The following MALRD1 variants were observed in gnomAD, a reference collection of about 807,000 sequenced individuals.
MALRD1 encodes the protein MAM and LDL-receptor class A domain-containing protein 1.
In MALRD1, 247 loss-of-function variants were observed where a neutral mutation model predicts 242.1. That is an observed-to-expected ratio of 1.02 (90% CI 0.92 to 1.13). The LOEUF is 1.13. Ranked by LOEUF, MALRD1 falls within the 50% of genes most tolerant of loss-of-function variation. The pLI is 0.00. For synonymous variants in MALRD1, 995 were observed against 866.6 expected (o/e 1.15, Z -2.60); for missense variants, 2,989 against 2,533.1 (o/e 1.18, Z -3.86).
At chr10:19,306,636 T>C (rs1842221934) in intron 21 of MALRD1, among the ~76,000 whole-genome samples, 1 of 150,880 alleles carries the variant, frequency 6.6e-6, no homozygotes, top group Non-Finnish European at 1.5e-5. Flanking sequence ...TGAAGGTATA[T>C]TAGTCTGTTC....
At chr10:19,571,774 G>C (rs144440761) in intron 33 of MALRD1, among the ~76,000 whole-genome samples, 179 of 152,170 alleles carry the variant, frequency 1.2e-3, no homozygotes, top group African/African-American at 3.6e-3. Context: ...AAAACTACTA[G>C]CTTTGTTTGT....
intron 14 of MALRD1, among the ~76,000 whole-genome samples, chr10:19,190,779 A>T (rs969573754): frequency 6.6e-6 from 1 of 151,986 alleles, no homozygotes; most frequent in East Asian, 1.9e-4. Flanking sequence ...TTGGACCCTT[A>T]CCTAACTTCA....
chr10:19,471,906 A>G (rs10827485), intron 29 of MALRD1, among the ~76,000 whole-genome samples: 4 of 151,678 alleles, frequency 2.6e-5, no homozygotes, highest in Admixed American at 1.3e-4. Context: ...AATTTGGATG[A>G]CTTTTATTTC....
In MALRD1 at chr10:19,304,702, T is replaced by C. The variant is rs1329217120; in HGVS notation, c.3420-19247T>C. Among the ~76,000 whole-genome samples, 3 of 151,912 alleles carry C rather than the reference T, an allele frequency of 2.0e-5. No individual in the cohort carries two copies. In the East Asian group the frequency reaches 5.8e-4, roughly 30 times the overall value. On this transcript the variant is annotated intron_variant, in intron 21 of 39. Transcript: ENST00000454679. The stretch of plus-strand genomic sequence containing the variant: ...ATGTTTCATCATTATTATTGATTTG[T>C]ATTATGAAAAGTTTCCATTTCAAAA...
chr10:19,686,252 G>T (rs1842578072), intron 36 of MALRD1, among the ~76,000 whole-genome samples: 2 of 152,138 alleles, frequency 1.3e-5, no homozygotes, highest in Admixed American at 6.5e-5. Flanking sequence ...CGTTTGACTT[G>T]GAGTTTTACA....
At chr10:19,603,144 GCCTGTT>G (rs1025923069) in intron 34 of MALRD1, among the ~76,000 whole-genome samples, 34 of 152,004 alleles carry the variant, frequency 2.2e-4, no homozygotes, top group African/African-American at 7.5e-4. Context: ...TCTGTAGGTT[GCCTGTT>G]CACTCTGATG....
chr10:19,206,156 A>G (rs531418569), intron 17 of MALRD1, among the ~76,000 whole-genome samples: 1 of 152,014 alleles, frequency 6.6e-6, no homozygotes, highest in East Asian at 1.9e-4. Context: ...TTCATGAAAT[A>G]CAGATGCTAA....
intron 27 of MALRD1, 21 bp from the exon 28 acceptor site, chr10:19,389,431 G>C (rs1229490471): frequency 6.5e-7 from 1 of 1,548,032 alleles, no homozygotes; most frequent in Non-Finnish European, 8.7e-7. Context: ...GTTCTTCTCT[G>C]AATTCTGTCC....
chr10:19,060,651 A>G (rs144760376), intron 1 of MALRD1, among the ~76,000 whole-genome samples: 43 of 152,342 alleles, frequency 2.8e-4, no homozygotes, highest in South Asian at 2.7e-3. Flanking sequence ...TTCTTAGTCA[A>G]AATTGGATAG....
At chr10:19,230,642 A>G (rs1406187710) in intron 18 of MALRD1, among the ~76,000 whole-genome samples, 4 of 152,150 alleles carry the variant, frequency 2.6e-5, no homozygotes, top group Admixed American at 2.6e-4. Context: ...CATCCAAACT[A>G]TATCAGATAC....
intron 8 of MALRD1, among the ~76,000 whole-genome samples, chr10:19,128,605 G>T (rs1043977126): frequency 6.6e-6 from 1 of 152,094 alleles, no homozygotes; most frequent in African/African-American, 2.4e-5. Flanking sequence ...ATTTCATAAA[G>T]TTTTCAAAAT....
At chr10:19,660,699 G>C (rs981784572) in intron 36 of MALRD1, among the ~76,000 whole-genome samples, 1 of 152,154 alleles carries the variant, frequency 6.6e-6, no homozygotes, top group African/African-American at 2.4e-5. Context: ...TAATAAAATA[G>C]CATGTGTCAA....
intron 32 of MALRD1, among the ~76,000 whole-genome samples, chr10:19,538,439 A>T (rs1245887743): frequency 6.6e-6 from 1 of 152,204 alleles, no homozygotes; most frequent in East Asian, 1.9e-4. Context: ...TCTGTCTTTC[A>T]GTTACCTACT....
intron 32 of MALRD1, among the ~76,000 whole-genome samples, chr10:19,535,077 C>G (rs7098515): frequency 0.096 from 14,625 of 151,922 alleles, 2,126 homozygotes; most frequent in African/African-American, 0.31. Flanking sequence ...GTAGAGATGG[C>G]GTTTCACCAT....
rs1278989022 is a variant in MALRD1 at position 19,389,467 on chromosome 10, T to G, written c.4703T>G (p.Leu1568Arg). The G allele has an allele frequency of 6.5e-7, 1 of 1,550,328 alleles. No homozygotes were observed. The highest frequency in any genetic ancestry group is 2.0e-5 in the Admixed American group (1 of 50,950). The change falls in exon 28 of 40, where the codon CTG becomes CGG. Residue 1568 changes from leucine to arginine, a missense_variant. By Grantham distance (102) the Leu-to-Arg change is moderately radical (BLOSUM62 -2). Coordinates refer to ENST00000454679, the MANE Select transcript of MALRD1 (RefSeq NM_001142308.3). Reference sequence around the variant, plus strand: ...TTGTTCCTAGGGCACTTCATGTATCTGGAAGCTACTGCAGTGGGCCTTCGG... The same window carrying G: ...TTGTTCCTAGGGCACTTCATGTATCGGGAAGCTACTGCAGTGGGCCTTCGG... ...LGNENGHFMY[L>R]EATAVGLRGD... is the part of the protein sequence containing the mutation.
At chr10:19,600,003 A>G (rs993322585) in intron 34 of MALRD1, among the ~76,000 whole-genome samples, 3 of 152,136 alleles carry the variant, frequency 2.0e-5, no homozygotes, top group African/African-American at 7.2e-5. Context: ...CAGGAGAAGT[A>G]CATGGAAACT....
chr10:19,100,774 C>A (rs1194870625), intron 4 of MALRD1, among the ~76,000 whole-genome samples: 1 of 151,746 alleles, frequency 6.6e-6, no homozygotes, highest in African/African-American at 2.4e-5. Flanking sequence ...ATTTATCAAC[C>A]CTGAAGAGGA....
Position 19,697,860 on chromosome 10 carries a change from C to T in MALRD1, c.6314+5306C>T, listed in dbSNP as rs1267600316. On this transcript the variant is annotated intron_variant, in intron 38 of 39. Coordinates refer to ENST00000454679, the MANE Select transcript of MALRD1 (RefSeq NM_001142308.3). ...TTCTTTGTCCATCTTCTCTTAACCT[C>T]AATTTTTCTTCTGTCTCCCTGTTTT... Among the ~76,000 whole-genome samples the T allele has an allele frequency of 8.5e-5, 13 of 152,302 alleles. No homozygotes were observed. In the East Asian group the frequency reaches 2.3e-3, roughly 27 times the overall value.
Position 19,066,713 on chromosome 10 carries a change from C to T in MALRD1, c.200-6C>T, listed in dbSNP as rs562854025. 3.2e-6 allele frequency: 4 copies of T among 1,233,524 alleles called. No homozygotes were observed. The highest frequency in any genetic ancestry group is 4.0e-6 in the Non-Finnish European group (4 of 987,924). The allele number at this position is 1,233,524 out of a possible 1,614,324, so 76.4% of individuals were successfully genotyped here. A position where few individuals can be genotyped will look rare whatever the true frequency, so the allele number is the denominator to read the frequency against. On this transcript the variant is annotated splice_polypyrimidine_tract_variant and splice_region_variant and intron_variant, in intron 1 of 39. Coordinates refer to ENST00000454679, the MANE Select transcript of MALRD1 (RefSeq NM_001142308.3). ...GTGAAAACCAACTTTTCTTCTTTCT[C>T]ATTAGGTTTGAATTATGAAAGATGT...
Sources: allele counts gnomAD v4.1 joint callset (sites outside exome capture counted in the v4.1 genomes callset), GRCh38; gene constraint gnomAD v4.1.1; transcripts MANE v1.5; gene names NCBI Gene and HGNC (gene_info 2026-07-23, HGNC 2026-07-21).